CFAP92: variants seen among roughly 807,000 people sequenced by gnomAD.
CFAP92 encodes uncharacterized protein CFAP92.
In CFAP92, 86 loss-of-function variants were observed where a neutral mutation model predicts 106.3. That is an observed-to-expected ratio of 0.81 (90% CI 0.68 to 0.97). The LOEUF (loss-of-function observed/expected upper bound fraction) is 0.97, where lower values mean the gene tolerates loss of function less well. Ranked by LOEUF, CFAP92 falls within the 50% of genes least tolerant of loss-of-function variation. CFAP92 has a pLI of 0.00. For missense variants in CFAP92, 1,204 were observed against 1,283.8 expected (o/e 0.94, Z 0.95); for synonymous variants, 477 against 506.4 (o/e 0.94, Z 0.78).
the CFAP92 span, among the ~76,000 whole-genome samples, chr3:129,011,097 G>A: frequency 6.6e-6 from 1 of 152,170 alleles, no homozygotes; most frequent in Non-Finnish European, 1.5e-5. Flanking sequence ...CTCTGGGAGT[G>A]TGACCTGCAG....
chr3:128,958,590 GAC>G (rs2107754330), intron 9 of CFAP92, among the ~76,000 whole-genome samples: 1 of 152,248 alleles, frequency 6.6e-6, no homozygotes, highest in African/African-American at 2.4e-5. Flanking sequence ...CTCACACTAA[GAC>G]ACACAAGCAG....
chr3:128,992,311 C>G (rs1311147841), intron 2 of CFAP92, among the ~76,000 whole-genome samples: 1 of 152,146 alleles, frequency 6.6e-6, no homozygotes, highest in Non-Finnish European at 1.5e-5. Context: ...CCTGTAATCC[C>G]AGCACTTTGG....
intron 9 of CFAP92, among the ~76,000 whole-genome samples, chr3:128,951,588 A>T (rs370704527): frequency 9.9e-5 from 15 of 152,196 alleles, no homozygotes; most frequent in East Asian, 3.8e-4. Flanking sequence ...TATTTGCCTC[A>T]TATATTCCGG....
At position 128,988,758 on chromosome 3, in the gene CFAP92, C is replaced by T. The variant is rs1276886939; in HGVS notation, c.423G>A (p.Val141=). 1 of 1,613,538 alleles carries T rather than the reference C, an allele frequency of 6.2e-7. No homozygotes were observed. Among genetic ancestry groups the T allele is most frequent in the Admixed American group, 1.7e-5 (1 of 59,986 alleles). ...CTCCTGACTCCAGGAATACTTTGGC[C>T]ACCATTGGAAATAGCAATATGTCAA... ...KKVDILLFPM[V]AKVFLESGVK... The change falls in exon 3 of 16, where the codon GTG becomes GTA. Residue 141 remains valine, a synonymous_variant. Coordinates refer to ENST00000645291, the MANE Select transcript of CFAP92 (RefSeq NM_001394090.1).
At chr3:128,993,421 A>ACC in intron 1 of CFAP92, 85 bp from the exon 2 acceptor site, 2 of 1,388,816 alleles carry the variant, frequency 1.4e-6, no homozygotes, top group Non-Finnish European at 1.9e-6. Context: ...AGAAGCACCC[A>ACC]CCCTTCTCTT....
chr3:128,959,792 C>T (rs1385109148), intron 9 of CFAP92, among the ~76,000 whole-genome samples: 1 of 152,194 alleles, frequency 6.6e-6, no homozygotes, highest in African/African-American at 2.4e-5. Context: ...CTGTGGGATC[C>T]TAAATGGTAA....
intron 12 of CFAP92, among the ~76,000 whole-genome samples, chr3:128,932,424 C>T (rs1346832211): frequency 6.6e-6 from 1 of 151,812 alleles, no homozygotes; most frequent in Non-Finnish European, 1.5e-5. Flanking sequence ...CTACAATGAA[C>T]TCTGGGAGCC....
intron 2 of CFAP92, among the ~76,000 whole-genome samples, chr3:128,992,656 C>T (rs970428378): frequency 2.0e-5 from 3 of 151,980 alleles, no homozygotes; most frequent in African/African-American, 7.3e-5. Flanking sequence ...CTCACCACAA[C>T]CTCCACCTCC....
At chr3:128,993,393 G>C (rs1254819874) in intron 1 of CFAP92, 57 bp from the exon 2 acceptor site, 1 of 1,502,454 alleles carries the variant, frequency 6.7e-7, no homozygotes, top group Admixed American at 2.0e-5. Context: ...GCTCCAGGAG[G>C]TAAGCCCGGC....
Position 128,945,260 on chromosome 3 carries a change from A to G in CFAP92, c.2069T>C (p.Leu690Pro), listed in dbSNP as rs1159341955. ...ITMINAKALG[L>P]DSYPVRTLQQ... The stretch of plus-strand genomic sequence containing the variant: ...CAGGGTCCTGACAGGGTAGGAGTCC[A>G]GGCCGAGGGCCTTAGCGTTGATCAT... Residue 690 changes from leucine (L) to proline (P), a missense_variant, in exon 10 of 16, where the codon CTG becomes CCG. Transcript: ENST00000645291. 3.3e-6 allele frequency: 5 copies of G among 1,536,146 alleles called. No homozygotes were observed. The highest frequency in any genetic ancestry group is 4.4e-6 in the Non-Finnish European group (5 of 1,146,914).
the CFAP92 span, among the ~76,000 whole-genome samples, chr3:129,019,420 C>G: frequency 6.6e-6 from 1 of 152,270 alleles, no homozygotes; most frequent in East Asian, 1.9e-4. Context: ...CAGTGTTTGT[C>G]TTAGTGGTTT....
At chr3:128,952,747 C>G (rs114655591) in intron 9 of CFAP92, among the ~76,000 whole-genome samples, 5,961 of 152,138 alleles carry the variant, frequency 0.039, 290 homozygotes, top group African/African-American at 0.11. Context: ...TGCCATTGTA[C>G]TCCAGCCTGG....
chr3:129,013,970 G>A, the CFAP92 span, among the ~76,000 whole-genome samples: 133 of 152,302 alleles, frequency 8.7e-4, no homozygotes, highest in African/African-American at 3.2e-3. Context: ...CTGAGTTGGG[G>A]GTGGGGGCTT....
intron 12 of CFAP92, among the ~76,000 whole-genome samples, chr3:128,930,190 G>A (rs185767552): frequency 4.3e-4 from 66 of 152,014 alleles, no homozygotes; most frequent in Non-Finnish European, 5.7e-4. Context: ...TCGCTCTGTC[G>A]CCCAGGCTGG....
intron 12 of CFAP92, among the ~76,000 whole-genome samples, chr3:128,922,388 GTCT>G (rs1417168074): frequency 2.6e-5 from 4 of 152,124 alleles, no homozygotes; most frequent in African/African-American, 9.7e-5. Context: ...CGACTCAGTG[GTCT>G]TCTTCCCCAG....
At chr3:129,024,910 G>A in the CFAP92 span, among the ~76,000 whole-genome samples, 2 of 152,172 alleles carry the variant, frequency 1.3e-5, no homozygotes, top group African/African-American at 4.8e-5. Flanking sequence ...GTGGGAGAAC[G>A]AAGAACCAGG....
intron 12 of CFAP92, among the ~76,000 whole-genome samples, chr3:128,928,207 C>G (rs1217879972): frequency 1.3e-5 from 2 of 151,540 alleles, no homozygotes; most frequent in Non-Finnish European, 2.9e-5. Context: ...GAGCCGAGAT[C>G]GTGCCACTGC....
chr3:128,977,718 G>T (rs1943245646), intron 5 of CFAP92, among the ~76,000 whole-genome samples: 1 of 152,116 alleles, frequency 6.6e-6, no homozygotes, highest in African/African-American at 2.4e-5. Context: ...AATTAGCTGG[G>T]TGTGGTAGTG....
At chr3:128,992,897 A>G (rs944049091) in intron 2 of CFAP92, 146 bp downstream of exon 2, 18 of 896,438 alleles carry the variant, frequency 2.0e-5, no homozygotes, top group African/African-American at 1.5e-4. Context: ...TTTCTTTTCA[A>G]CCTCTGCTCC....
Sources: allele counts gnomAD v4.1 joint callset (sites outside exome capture counted in the v4.1 genomes callset), GRCh38; gene constraint gnomAD v4.1.1; transcripts MANE v1.5; gene names NCBI Gene and HGNC (gene_info 2026-07-23, HGNC 2026-07-21).